FANCL: variants seen among roughly 807,000 people sequenced by gnomAD.
The protein encoded by FANCL is FA complementation group L, also known as E3 ubiquitin-protein ligase FANCL.
FANCL carries 69 observed loss-of-function variants against 59.4 expected under a neutral mutation model. The observed-to-expected ratio is 1.16, with a 90% CI of 0.96 to 1.42. The LOEUF (loss-of-function observed/expected upper bound fraction) is 1.42, where lower values mean the gene tolerates loss of function less well. Among genes scored for constraint, FANCL ranks in the 40% most tolerant of loss-of-function variants. The pLI, the probability that FANCL is intolerant of heterozygous loss-of-function variation, is 0.00. For missense variants in FANCL, 519 were observed against 447.2 expected, an observed-to-expected ratio of 1.16 and a Z score of -1.45; for synonymous variants, 180 against 147.1, an observed-to-expected ratio of 1.22 and a Z score of -1.62.
chr2:58,218,464 T>C (rs537314683), intron 5 of FANCL, among the ~76,000 whole-genome samples: 4 of 152,042 alleles, frequency 2.6e-5, no homozygotes, highest in African/African-American at 4.8e-5. Context: ...AGCATCACTA[T>C]AGATCCTAAA....
At chr2:58,207,227 T>C (rs1690676526) in intron 5 of FANCL, among the ~76,000 whole-genome samples, 1 of 152,118 alleles carries the variant, frequency 6.6e-6, no homozygotes, top group African/African-American at 2.4e-5. Context: ...CAGGCCAATA[T>C]GAGCTAGCAA....
At chr2:58,175,885 C>G (rs1263290160) in intron 7 of FANCL, among the ~76,000 whole-genome samples, 1 of 151,936 alleles carries the variant, frequency 6.6e-6, no homozygotes, top group African/African-American at 2.4e-5. Flanking sequence ...TAGAAAACCC[C>G]ATTGTCTCAG....
intron 7 of FANCL, among the ~76,000 whole-genome samples, chr2:58,192,223 C>T (rs1243651374): frequency 1.3e-5 from 2 of 151,854 alleles, no homozygotes; most frequent in Non-Finnish European, 2.9e-5. Context: ...GCTCAAAATG[C>T]ACAGATCTCA....
At chr2:58,174,184 T>C (rs1206105069) in intron 7 of FANCL, among the ~76,000 whole-genome samples, 1 of 152,074 alleles carries the variant, frequency 6.6e-6, no homozygotes, top group Non-Finnish European at 1.5e-5. Context: ...CACACAATAA[T>C]AATGGGAGAA....
At chr2:58,198,547 T>C (rs1231469403) in intron 7 of FANCL, 47 bp downstream of exon 7, 3 of 1,529,558 alleles carry the variant, frequency 2.0e-6, no homozygotes, top group Non-Finnish European at 2.7e-6. Context: ...AACTGTACTT[T>C]TTAATTACTT....
At chr2:58,182,006 A>G (rs1573608113) in intron 7 of FANCL, among the ~76,000 whole-genome samples, 1 of 151,734 alleles carries the variant, frequency 6.6e-6, no homozygotes, top group East Asian at 1.9e-4. Context: ...GTCTTCTCAG[A>G]AAAAAAGCTC....
At chr2:58,225,718 A>G (rs1000171041) in intron 4 of FANCL, among the ~76,000 whole-genome samples, 2 of 152,038 alleles carry the variant, frequency 1.3e-5, no homozygotes, top group Non-Finnish European at 2.9e-5. Flanking sequence ...AGAAAGTAGA[A>G]TATGTTAAAA....
At chr2:58,170,831 A>G (rs1214185914) in intron 7 of FANCL, among the ~76,000 whole-genome samples, 2 of 152,198 alleles carry the variant, frequency 1.3e-5, no homozygotes, top group African/African-American at 2.4e-5. Flanking sequence ...TAACAATCCT[A>G]AATGTATATG....
intron 8 of FANCL, among the ~76,000 whole-genome samples, chr2:58,164,511 C>G (rs551099546): frequency 2.6e-5 from 4 of 152,020 alleles, no homozygotes; most frequent in African/African-American, 9.6e-5. Flanking sequence ...AGTACTTTCA[C>G]GTAATATGGG....
chr2:58,225,143 G>T (rs1488266650), intron 4 of FANCL, among the ~76,000 whole-genome samples: 1 of 150,744 alleles, frequency 6.6e-6, no homozygotes, highest in African/African-American at 2.4e-5. Context: ...CAAAAAAATG[G>T]GACAATTTAA....
At chr2:58,176,490 C>T (rs7340157) in intron 7 of FANCL, among the ~76,000 whole-genome samples, 27,565 of 151,814 alleles carry the variant, frequency 0.18, 2,902 homozygotes, top group African/African-American at 0.29. Flanking sequence ...TCTACAACTA[C>T]CTGATCGTTG....
chr2:58,159,864 A>G, intron 13 of FANCL, 64 bp from the exon 14 acceptor site: 1 of 1,603,024 alleles, frequency 6.2e-7, no homozygotes, highest in Non-Finnish European at 8.5e-7. Flanking sequence ...ATTGCTTTGT[A>G]CTAGAAATAG....
At chr2:58,220,409 T>C (rs1373160005) in intron 5 of FANCL, among the ~76,000 whole-genome samples, 3 of 152,202 alleles carry the variant, frequency 2.0e-5, no homozygotes, top group East Asian at 1.9e-4. Context: ...AAAATTGATC[T>C]ACACATAAGA....
chr2:58,212,462 T>C (rs1691278363), intron 5 of FANCL, among the ~76,000 whole-genome samples: 1 of 152,136 alleles, frequency 6.6e-6, no homozygotes, highest in Admixed American at 6.5e-5. Flanking sequence ...GTGATATGTA[T>C]TTCTTCCAAA....
At chr2:58,229,309 C>CA (rs1490968806) in intron 3 of FANCL, among the ~76,000 whole-genome samples, 5 of 152,010 alleles carry the variant, frequency 3.3e-5, no homozygotes, top group Admixed American at 3.3e-4. Context: ...AAGGAATTTT[C>CA]AGGTAGAGGA....
At chr2:58,169,482 C>A (rs544857257) in intron 7 of FANCL, among the ~76,000 whole-genome samples, 5 of 152,128 alleles carry the variant, frequency 3.3e-5, no homozygotes, top group African/African-American at 1.2e-4. Context: ...ATTCCAAAAA[C>A]CAGAACACCT....
chr2:58,229,833 T>C lies in FANCL; in HGVS notation c.197A>G (p.Tyr66Cys), dbSNP rs200306031. ...SWQLRTILSG[Y>C]HRIVQQRMQH... ...ACTTACCTGTTGTACTATTCGATGG[T>C]ATCCACTAAGTATTGTTCTCAGCTG... The change falls in exon 3 of 14, where the codon TAC becomes TGC. Residue 66 changes from tyrosine to cysteine, a missense_variant. Tyr to Cys is a radical substitution (Grantham distance 194). Coordinates refer to ENST00000233741, the MANE Select transcript of FANCL (RefSeq NM_018062.4). The C allele has an allele frequency of 3.1e-6, 5 of 1,610,594 alleles. No homozygotes were observed. In the Admixed American group the frequency reaches 6.7e-5, roughly 21 times the overall value.
intron 5 of FANCL, among the ~76,000 whole-genome samples, chr2:58,214,039 T>C (rs1282935307): frequency 4.6e-5 from 7 of 152,258 alleles, no homozygotes; most frequent in African/African-American, 9.6e-5. Context: ...ACTTGTTTTA[T>C]AGAAAAAGTT....
intron 5 of FANCL, among the ~76,000 whole-genome samples, chr2:58,215,319 T>C (rs1233530232): frequency 6.6e-6 from 1 of 152,184 alleles, no homozygotes; most frequent in Non-Finnish European, 1.5e-5. Context: ...TCCCAAATCC[T>C]ACTCAAGACT....
Sources: allele counts gnomAD v4.1 joint callset (sites outside exome capture counted in the v4.1 genomes callset), GRCh38; gene constraint gnomAD v4.1.1; transcripts MANE v1.5; gene names NCBI Gene and HGNC (gene_info 2026-07-23, HGNC 2026-07-21).